PPP2R5E: variants seen among roughly 807,000 people sequenced by gnomAD.
PPP2R5E encodes the protein protein phosphatase 2 regulatory subunit B'epsilon.
PPP2R5E carries 4 observed loss-of-function variants against 65.3 expected under a neutral mutation model. That is an observed-to-expected ratio of 0.06 (90% CI 0.03 to 0.14). The LOEUF (loss-of-function observed/expected upper bound fraction) is 0.14, where lower values mean the gene tolerates loss of function less well. Ranked by LOEUF, PPP2R5E falls within the 10% of genes least tolerant of loss-of-function variation. The pLI, the probability that PPP2R5E is intolerant of heterozygous loss-of-function variation, is 1.00. For missense variants in PPP2R5E, 274 were observed against 556.1 expected (o/e 0.49, Z 5.10); for synonymous variants, 183 against 187.4 (o/e 0.98, Z 0.19).
intron 4 of PPP2R5E, among the ~76,000 whole-genome samples, chr14:63,415,643 GACT>G (rs1399004220): frequency 2.0e-5 from 3 of 151,918 alleles, no homozygotes; most frequent in Non-Finnish European, 2.9e-5. Context: ...CAGTTTCACA[GACT>G]ACTTTTACCA....
chr14:63,376,329 C>G lies in PPP2R5E; in HGVS notation c.1305-221G>C, dbSNP rs139419436. Among the ~76,000 whole-genome samples the G allele has an allele frequency of 5.9e-5, 9 of 152,294 alleles. No homozygotes were observed. The East Asian group carries it at 1.7e-3, about 29-fold the overall frequency. On this transcript the variant is annotated intron_variant, in intron 13 of 13. Transcript: ENST00000337537. The stretch of plus-strand genomic sequence containing the variant: ...TTTTCACTTGCAGCTTAGTAAGAAT[C>G]TTAATTTTTCTTTATCTCCAAATAG...
rs192004239 is a variant in PPP2R5E at position 63,510,487 on chromosome 14, C to T, written c.157+29042G>A. The stretch of plus-strand genomic sequence containing the variant: ...TGCTAAGGAATAAAATACAGCAAGC[C>T]AGAGACTGGTAAGCAAGAATGTTAT... On this transcript the variant is annotated intron_variant, in intron 2 of 13. Transcript: ENST00000337537. Among the ~76,000 whole-genome samples the T allele has an allele frequency of 1.3e-3, 194 of 152,312 alleles. 1 individual carries two copies. The Middle Eastern group carries it at 0.017, about 13-fold the overall frequency.
intron 8 of PPP2R5E, among the ~76,000 whole-genome samples, chr14:63,393,432 C>T (rs1486231718): frequency 6.6e-6 from 1 of 152,154 alleles, no homozygotes; most frequent in African/African-American, 2.4e-5. Context: ...AGGCGATAGG[C>T]CCGGCGCCGT....
chr14:63,433,957 C>T (rs1361536056), intron 3 of PPP2R5E, among the ~76,000 whole-genome samples: 1 of 152,106 alleles, frequency 6.6e-6, no homozygotes, highest in Non-Finnish European at 1.5e-5. Flanking sequence ...TTTCTAGCTT[C>T]CAAAATGTTA....
intron 2 of PPP2R5E, among the ~76,000 whole-genome samples, chr14:63,522,129 G>A (rs1327397057): frequency 6.6e-6 from 1 of 151,992 alleles, no homozygotes; most frequent in Non-Finnish European, 1.5e-5. Context: ...TTTTTTTGGT[G>A]GAGACGGGGT....
intron 2 of PPP2R5E, among the ~76,000 whole-genome samples, chr14:63,499,634 G>A (rs1891756856): frequency 2.0e-5 from 3 of 152,098 alleles, no homozygotes; most frequent in Non-Finnish European, 4.4e-5. Flanking sequence ...GGCTGAAGCA[G>A]GAGAATCACT....
intron 13 of PPP2R5E, among the ~76,000 whole-genome samples, chr14:63,377,626 A>C (rs1884065536): frequency 6.6e-6 from 1 of 152,226 alleles, no homozygotes; most frequent in African/African-American, 2.4e-5. Flanking sequence ...ATGGCTTAGT[A>C]AAGCCATATG....
At position 63,375,678 on chromosome 14, in the gene PPP2R5E, A is replaced by G. The variant is rs1883947075; in HGVS notation, c.*331T>C. On this transcript the variant is annotated 3_prime_UTR_variant, in exon 14 of 14. Transcript: ENST00000337537. ...TGAAAATTGTATCATACTCTCTGCT[A>G]GTGATAAATAAGGAACTCCCGATAA... 1 of 175,720 alleles carries G rather than the reference A, an allele frequency of 5.7e-6. No homozygotes were observed. 10.9% of individuals were successfully genotyped at this position (175,720 alleles called of 1,614,324 possible).
intron 2 of PPP2R5E, among the ~76,000 whole-genome samples, chr14:63,479,097 C>T (rs1890562571): frequency 6.6e-6 from 1 of 151,944 alleles, no homozygotes; most frequent in Admixed American, 6.6e-5. Flanking sequence ...CCACTGCACT[C>T]CAACATGGGT....
chr14:63,403,293 T>C (rs1300327366), intron 5 of PPP2R5E, among the ~76,000 whole-genome samples: 1 of 146,710 alleles, frequency 6.8e-6, no homozygotes, highest in Non-Finnish European at 1.5e-5. Flanking sequence ...TCTGGCGTGG[T>C]GGCATACACC....
At chr14:63,469,617 C>A (rs1383371463) in intron 2 of PPP2R5E, among the ~76,000 whole-genome samples, 2 of 152,224 alleles carry the variant, frequency 1.3e-5, no homozygotes, top group Non-Finnish European at 2.9e-5. Context: ...TGGCGTGAAC[C>A]CGGGAGGCGG....
At chr14:63,534,751 C>T (rs1566768241) in intron 2 of PPP2R5E, among the ~76,000 whole-genome samples, 1 of 152,176 alleles carries the variant, frequency 6.6e-6, no homozygotes, top group South Asian at 2.1e-4. Flanking sequence ...TCCCAAGTAG[C>T]TGGGACCACA....
intron 3 of PPP2R5E, among the ~76,000 whole-genome samples, chr14:63,428,597 T>G (rs530488323): frequency 6.7e-4 from 102 of 152,268 alleles, no homozygotes; most frequent in African/African-American, 1.6e-3. Context: ...GCTCTATTAT[T>G]TTTCAGTACA....
chr14:63,443,286 A>C (rs564612051), intron 3 of PPP2R5E, among the ~76,000 whole-genome samples: 3 of 152,340 alleles, frequency 2.0e-5, no homozygotes, highest in Non-Finnish European at 4.4e-5. Flanking sequence ...AACTTTGGAA[A>C]ATTACATATT....
chr14:63,429,633 G>A (rs373336933), intron 3 of PPP2R5E, among the ~76,000 whole-genome samples: 1 of 151,962 alleles, frequency 6.6e-6, no homozygotes. Flanking sequence ...TAAATGCAAT[G>A]CTGTCACTTA....
At chr14:63,449,080 T>G (rs776310969) in intron 3 of PPP2R5E, among the ~76,000 whole-genome samples, 2 of 152,254 alleles carry the variant, frequency 1.3e-5, no homozygotes, top group Non-Finnish European at 2.9e-5. Flanking sequence ...CATGCCATTA[T>G]ACATCATTAC....
Position 63,449,557 on chromosome 14 carries a change from A to C in PPP2R5E, c.354+4132T>G, listed in dbSNP as rs1434127478. Among the ~76,000 whole-genome samples the C allele has an allele frequency of 3.3e-5, 5 of 152,200 alleles. No individual in the cohort carries two copies. In the East Asian group the frequency reaches 9.6e-4, roughly 29 times the overall value. On this transcript the variant is annotated intron_variant, in intron 3 of 13. Transcript: ENST00000337537. ...GGGCTTAGAGGGAATGAGGGCACCA[A>C]GTGGGACGTGGTTCCAGTTTTCCTT...
chr14:63,522,264 G>A (rs1892947710), intron 2 of PPP2R5E, among the ~76,000 whole-genome samples: 1 of 152,098 alleles, frequency 6.6e-6, no homozygotes, highest in Admixed American at 6.5e-5. Flanking sequence ...TGCCCAGGCT[G>A]GAGTGCAGTG....
intron 3 of PPP2R5E, chr14:63,453,433 A>G: frequency 3.7e-6 from 1 of 273,700 alleles, no homozygotes. Flanking sequence ...ATCCAGTAAT[A>G]CCCTGGCAAT....
Sources: gnomAD v4.1 joint callset for allele counts (sites outside exome capture counted in the v4.1 genomes callset) on GRCh38, gnomAD v4.1.1 for gene constraint, MANE v1.5 for transcripts, NCBI Gene and HGNC (gene_info 2026-07-23, HGNC 2026-07-21) for gene names.